CSMD3: variants seen among roughly 807,000 people sequenced by gnomAD.
CSMD3 encodes CUB and sushi domain-containing protein 3.
A neutral mutation model predicts 435.2 loss-of-function variants in CSMD3; 177 were observed. The observed-to-expected ratio is 0.41, with a 90% confidence interval of 0.36 to 0.46. The LOEUF is 0.46. CSMD3 is among the 20% of genes least tolerant of loss of function. The pLI is 0.34. For missense variants in CSMD3, 4,265 were observed against 4,504.6 expected (o/e 0.95, Z 1.52); for synonymous variants, 1,656 against 1,520.5 (o/e 1.09, Z -2.07).
chr8:112,270,687 A>G (rs990119530), intron 59 of CSMD3, among the ~76,000 whole-genome samples: 6 of 152,002 alleles, frequency 3.9e-5, no homozygotes, highest in Admixed American at 3.3e-4. Flanking sequence ...TTATGTTTCT[A>G]CTTTGTTTTT....
intron 22 of CSMD3, among the ~76,000 whole-genome samples, chr8:112,624,349 GTCT>G (rs1029276885): frequency 7.2e-5 from 11 of 151,948 alleles, no homozygotes; most frequent in African/African-American, 2.4e-4. Flanking sequence ...GTCTATTTTA[GTCT>G]TCTTTTTTTC....
chr8:112,594,176 C>T (rs557574841), intron 22 of CSMD3, among the ~76,000 whole-genome samples: 1,875 of 152,178 alleles, frequency 0.012, 39 homozygotes, highest in African/African-American at 0.042. Context: ...GTGTGCGAGC[C>T]GAAGCAGGGC....
chr8:112,976,436 T>A (rs2084852389), intron 6 of CSMD3, among the ~76,000 whole-genome samples: 2 of 152,098 alleles, frequency 1.3e-5, no homozygotes, highest in Non-Finnish European at 2.9e-5. Context: ...TGAATCAATC[T>A]TTTAAAAAAA....
chr8:112,908,605 G>A (rs953615698), intron 10 of CSMD3, among the ~76,000 whole-genome samples: 1 of 151,390 alleles, frequency 6.6e-6, no homozygotes, highest in Non-Finnish European at 1.5e-5. Flanking sequence ...AAAAAAATAG[G>A]TTCACAATAG....
intron 56 of CSMD3, among the ~76,000 whole-genome samples, chr8:112,290,126 C>G (rs1040035095): frequency 2.0e-5 from 3 of 152,000 alleles, no homozygotes; most frequent in Non-Finnish European, 4.4e-5. Flanking sequence ...GGCTTATAAA[C>G]TAAAACTGCT....
At chr8:112,710,599 T>C (rs975969808) in intron 13 of CSMD3, among the ~76,000 whole-genome samples, 1 of 151,756 alleles carries the variant, frequency 6.6e-6, no homozygotes, top group Non-Finnish European at 1.5e-5. Context: ...TATTAAGGTT[T>C]GGAGTAAAAA....
chr8:113,160,385 A>C (rs748666374), intron 4 of CSMD3, among the ~76,000 whole-genome samples: 2 of 152,078 alleles, frequency 1.3e-5, no homozygotes, highest in Non-Finnish European at 2.9e-5. Flanking sequence ...ATATATTTTT[A>C]AGTGTTGAAT....
At chr8:112,237,856 A>T (rs1262464830) in intron 66 of CSMD3, among the ~76,000 whole-genome samples, 1 of 152,084 alleles carries the variant, frequency 6.6e-6, no homozygotes, top group African/African-American at 2.4e-5. Flanking sequence ...TAGTTCTTCT[A>T]ATAACAGGTG....
chr8:113,170,399 C>T (rs112492089), intron 4 of CSMD3, among the ~76,000 whole-genome samples: 18 of 152,186 alleles, frequency 1.2e-4, no homozygotes, highest in African/African-American at 3.4e-4. Context: ...ATTAGTAACA[C>T]GTGAGAACTA....
At chr8:113,203,188 T>C (rs1304102215) in intron 3 of CSMD3, among the ~76,000 whole-genome samples, 1 of 152,192 alleles carries the variant, frequency 6.6e-6, no homozygotes, top group African/African-American at 2.4e-5. Flanking sequence ...TGACCTGACC[T>C]GATCACTATG....
intron 24 of CSMD3, among the ~76,000 whole-genome samples, chr8:112,569,881 C>T (rs1252188009): frequency 1.3e-5 from 2 of 152,146 alleles, no homozygotes; most frequent in Non-Finnish European, 2.9e-5. Flanking sequence ...TTAATACGCC[C>T]TCCTTTATGA....
intron 38 of CSMD3, among the ~76,000 whole-genome samples, chr8:112,353,591 A>AT (rs1214260648): frequency 6.6e-6 from 1 of 152,134 alleles, no homozygotes; most frequent in African/African-American, 2.4e-5. Flanking sequence ...CCAAGATAGA[A>AT]TTTTTTATCT....
intron 4 of CSMD3, among the ~76,000 whole-genome samples, chr8:113,160,952 G>A (rs1277245343): frequency 6.6e-6 from 1 of 152,044 alleles, no homozygotes; most frequent in Non-Finnish European, 1.5e-5. Flanking sequence ...CCCTGAAGGT[G>A]CTAAAATTTA....
rs1346947533 is a variant in CSMD3 at position 112,597,652 on chromosome 8, C to T, written c.3716-10417G>A. On this transcript the variant is annotated intron_variant, in intron 22 of 70. Transcript: ENST00000297405. Reference sequence around the variant, plus strand: ...TGGCAAACCGAATCCAGTAGCACATCGAAAAGCTTATCCACCATGATCAAG... The same window carrying T: ...TGGCAAACCGAATCCAGTAGCACATTGAAAAGCTTATCCACCATGATCAAG... Among the ~76,000 whole-genome samples the T allele has an allele frequency of 7.7e-5, 10 of 130,028 alleles. 1 individual carries two copies. The highest frequency in any genetic ancestry group is 1.2e-4 in the African/African-American group (4 of 32,136). The allele number at this position is 130,028 out of a possible 152,430, so 85.3% of individuals were successfully genotyped here.
intron 31 of CSMD3, among the ~76,000 whole-genome samples, chr8:112,473,774 C>A (rs1330677698): frequency 1.3e-5 from 2 of 149,228 alleles, no homozygotes; most frequent in Non-Finnish European, 3.0e-5. Context: ...GCTCCTTCAC[C>A]CTTGGAGTCA....
intron 3 of CSMD3, among the ~76,000 whole-genome samples, chr8:113,230,484 T>C (rs1378289569): frequency 6.6e-6 from 1 of 151,606 alleles, no homozygotes; most frequent in Non-Finnish European, 1.5e-5. Flanking sequence ...AGAGAACTAT[T>C]AGAGTTTACA....
At chr8:113,187,288 A>G (rs72687615) in intron 3 of CSMD3, among the ~76,000 whole-genome samples, 10,056 of 151,682 alleles carry the variant, frequency 0.066, 446 homozygotes, top group Non-Finnish European at 0.095. Context: ...GCAAATTTCT[A>G]CATCAAGGGG....
intron 5 of CSMD3, among the ~76,000 whole-genome samples, chr8:113,076,851 A>AC (rs2089359323): frequency 2.6e-5 from 4 of 152,198 alleles, no homozygotes; most frequent in African/African-American, 4.8e-5. Flanking sequence ...AAGCACAAAG[A>AC]TACTAAACTT....
intron 13 of CSMD3, among the ~76,000 whole-genome samples, chr8:112,732,417 T>A (rs2077093766): frequency 6.6e-6 from 1 of 152,024 alleles, no homozygotes; most frequent in Non-Finnish European, 1.5e-5. Context: ...TTATATTAAT[T>A]TGAGAAGACA....
Sources: gnomAD v4.1 joint callset for allele counts (sites outside exome capture counted in the v4.1 genomes callset) on GRCh38, gnomAD v4.1.1 for gene constraint, MANE v1.5 for transcripts, NCBI Gene and HGNC (gene_info 2026-07-23, HGNC 2026-07-21) for gene names.